The following FRMD5 variants were observed in gnomAD, a reference collection of about 807,000 sequenced individuals.
The protein encoded by FRMD5 is FERM domain containing 5.
A neutral mutation model predicts 69.0 loss-of-function variants in FRMD5; 20 were observed. That is an observed-to-expected ratio of 0.29 (90% CI 0.20 to 0.42). The LOEUF (loss-of-function observed/expected upper bound fraction) is 0.42, where lower values mean the gene tolerates loss of function less well. Among genes scored for constraint, FRMD5 ranks in the 10% least tolerant of loss-of-function variants. FRMD5 has a pLI of 1.00. For missense variants in FRMD5, 595 were observed against 708.6 expected (o/e 0.84, Z 1.82); for synonymous variants, 271 against 260.1 (o/e 1.04, Z -0.40).
At chr15:44,160,037 C>T (rs746183260) in intron 1 of FRMD5, among the ~76,000 whole-genome samples, 6 of 152,170 alleles carry the variant, frequency 3.9e-5, no homozygotes, top group Non-Finnish European at 8.8e-5. Flanking sequence ...GTAGCCACTG[C>T]TGACATTTAG....
chr15:44,150,546 G>A lies in FRMD5; in HGVS notation c.102+44407C>T, dbSNP rs547453714. Among the ~76,000 whole-genome samples, 24 of 151,900 alleles carry A rather than the reference G, an allele frequency of 1.6e-4. 1 individual carries two copies. The South Asian group carries it at 2.9e-3, about 18-fold the overall frequency. On this transcript the variant is annotated intron_variant, in intron 1 of 13. Transcript: ENST00000417257. ...TGTAATCTCAGTGCTTTGAGAGGCC[G>A]AAGCAGGAAGATCGTTTAAGCCCAA...
At chr15:43,898,363 A>G (rs2088965315) in intron 7 of FRMD5, among the ~76,000 whole-genome samples, 1 of 152,200 alleles carries the variant, frequency 6.6e-6, no homozygotes, top group Non-Finnish European at 1.5e-5. Flanking sequence ...TCTTGTCTGC[A>G]TCTTCAGAGG....
intron 1 of FRMD5, among the ~76,000 whole-genome samples, chr15:44,062,841 G>A (rs890572523): frequency 3.9e-5 from 6 of 151,966 alleles, no homozygotes; most frequent in Admixed American, 1.3e-4. Context: ...TTTGTATAAG[G>A]AGTATGATAA....
At chr15:44,011,780 A>C (rs111721246) in intron 1 of FRMD5, among the ~76,000 whole-genome samples, 199 of 152,294 alleles carry the variant, frequency 1.3e-3, no homozygotes, top group African/African-American at 4.7e-3. Context: ...GTAATCTGAG[A>C]ATCAGCAGAC....
intron 1 of FRMD5, among the ~76,000 whole-genome samples, chr15:44,182,024 T>C (rs1302297598): frequency 6.6e-6 from 1 of 152,028 alleles, no homozygotes; most frequent in African/African-American, 2.4e-5. Flanking sequence ...CTTTTTTTTT[T>C]TTTTGAAACG....
At chr15:43,890,589 C>G (rs2088771229) in intron 8 of FRMD5, among the ~76,000 whole-genome samples, 1 of 152,188 alleles carries the variant, frequency 6.6e-6, no homozygotes. Flanking sequence ...GAGGCCTGAT[C>G]CTGCTCATTG....
At chr15:43,895,396 G>C (rs890707390) in intron 7 of FRMD5, among the ~76,000 whole-genome samples, 1 of 152,170 alleles carries the variant, frequency 6.6e-6, no homozygotes, top group Non-Finnish European at 1.5e-5. Flanking sequence ...AGAGCAAAGG[G>C]AATACACAGT....
intron 1 of FRMD5, among the ~76,000 whole-genome samples, chr15:44,049,759 A>G (rs1052780793): frequency 1.3e-5 from 2 of 152,196 alleles, no homozygotes; most frequent in East Asian, 1.9e-4. Context: ...TCAATAATAT[A>G]TAACTCTTGA....
chr15:44,022,002 G>T (rs1451153294), intron 1 of FRMD5, among the ~76,000 whole-genome samples: 1 of 152,060 alleles, frequency 6.6e-6, no homozygotes, highest in Non-Finnish European at 1.5e-5. Flanking sequence ...GACGAACCTT[G>T]AAAACATTAT....
chr15:44,124,484 G>A (rs923525610), intron 1 of FRMD5, among the ~76,000 whole-genome samples: 1 of 151,850 alleles, frequency 6.6e-6, no homozygotes, highest in East Asian at 2.0e-4. Flanking sequence ...CAGATCACGA[G>A]GACAGGAGAT....
intron 1 of FRMD5, among the ~76,000 whole-genome samples, chr15:44,081,654 A>T (rs1894001025): frequency 6.6e-6 from 1 of 152,044 alleles, no homozygotes; most frequent in Non-Finnish European, 1.5e-5. Context: ...ATATGTATTT[A>T]AAATTATTGT....
intron 1 of FRMD5, among the ~76,000 whole-genome samples, chr15:44,157,283 G>A (rs1406001130): frequency 1.3e-5 from 2 of 152,102 alleles, no homozygotes; most frequent in African/African-American, 2.4e-5. Flanking sequence ...TTTATCCAAT[G>A]TCCAAATGTT....
chr15:44,138,057 A>G (rs1403348077), intron 1 of FRMD5, among the ~76,000 whole-genome samples: 1 of 152,220 alleles, frequency 6.6e-6, no homozygotes, highest in Non-Finnish European at 1.5e-5. Flanking sequence ...AACCAGATGG[A>G]GGCAACCACA....
At chr15:43,959,638 C>T (rs2090165810) in intron 1 of FRMD5, among the ~76,000 whole-genome samples, 1 of 152,144 alleles carries the variant, frequency 6.6e-6, no homozygotes, top group Non-Finnish European at 1.5e-5. Flanking sequence ...AAGTCCCTTC[C>T]AGGGCTAATA....
In FRMD5 at chr15:43,982,488, C is replaced by T. The variant is rs557722826; in HGVS notation, c.103-58179G>A. Among the ~76,000 whole-genome samples the T allele has an allele frequency of 3.3e-5, 5 of 152,282 alleles. No individual in the cohort carries two copies. In the South Asian group the frequency reaches 1.0e-3, roughly 32 times the overall value. On this transcript the variant is annotated intron_variant, in intron 1 of 13. Transcript: ENST00000417257. ...AGCAGCTATACAGATAAAGGCAGTCCTGATCATAAACTCAACTGCATTTGT... is the reference window on the plus strand; with the variant it reads ...AGCAGCTATACAGATAAAGGCAGTCTTGATCATAAACTCAACTGCATTTGT...
chr15:44,095,944 C>T (rs1325672986), intron 1 of FRMD5, among the ~76,000 whole-genome samples: 4 of 152,138 alleles, frequency 2.6e-5, no homozygotes, highest in Admixed American at 1.3e-4. Flanking sequence ...CGGCGGCTCA[C>T]GCCTATAATC....
intron 1 of FRMD5, among the ~76,000 whole-genome samples, chr15:43,942,795 T>C (rs140010549): frequency 0.014 from 2,091 of 152,336 alleles, 46 homozygotes; most frequent in African/African-American, 0.048. Flanking sequence ...AGTCTTGCTC[T>C]GTCACCCAGG....
intron 1 of FRMD5, among the ~76,000 whole-genome samples, chr15:44,050,451 C>T (rs1190480546): frequency 6.6e-6 from 1 of 150,998 alleles, no homozygotes; most frequent in Non-Finnish European, 1.5e-5. Context: ...CCTTAACCTC[C>T]TGAGCTCAAG....
chr15:44,000,083 T>G (rs1329881154), intron 1 of FRMD5, among the ~76,000 whole-genome samples: 2 of 149,646 alleles, frequency 1.3e-5, no homozygotes, highest in Non-Finnish European at 3.0e-5. Flanking sequence ...CCCAAACTCC[T>G]TGGGCTCAAG....
Sources: allele counts gnomAD v4.1 joint callset (sites outside exome capture counted in the v4.1 genomes callset), GRCh38; gene constraint gnomAD v4.1.1; transcripts MANE v1.5; gene names NCBI Gene and HGNC (gene_info 2026-07-23, HGNC 2026-07-21).